Variants in ADPRHL1 observed in about 807,000 individuals in gnomAD.
ADPRHL1 encodes ADP-ribosylhydrolase like 1.
Under a neutral mutation model 44.1 loss-of-function variants are expected in ADPRHL1, and 43 were observed. That is an observed-to-expected ratio of 0.98 (90% CI 0.76 to 1.26). The LOEUF (loss-of-function observed/expected upper bound fraction) is 1.26, where lower values mean the gene tolerates loss of function less well. ADPRHL1 is among the 50% of genes most tolerant of loss of function. The probability of loss-of-function intolerance (pLI) is 0.00; values close to 1 mark genes in which losing one functional copy is unlikely to be tolerated. For missense variants in ADPRHL1, 2,022 were observed against 2,496.9 expected (o/e 0.81, Z 4.05); for synonymous variants, 878 against 1,017.4 (o/e 0.86, Z 2.61).
At chr13:113,417,544 C>T (rs1292545156) in intron 7 of ADPRHL1, among the ~76,000 whole-genome samples, 1 of 152,122 alleles carries the variant, frequency 6.6e-6, no homozygotes, top group African/African-American at 2.4e-5. Flanking sequence ...CTTTGTCTGT[C>T]TGTCCCAGAT....
intron 5 of ADPRHL1, among the ~76,000 whole-genome samples, 179 bp from the exon 6 acceptor site, chr13:113,424,528 C>T (rs1337913780): frequency 6.6e-6 from 1 of 152,080 alleles, no homozygotes; most frequent in Non-Finnish European, 1.5e-5. Flanking sequence ...AATCTCAGCT[C>T]ACTGCAACCT....
intron 4 of ADPRHL1, among the ~76,000 whole-genome samples, chr13:113,426,537 G>A: frequency 6.6e-6 from 1 of 152,260 alleles, no homozygotes; most frequent in South Asian, 2.1e-4. Flanking sequence ...CAGGCCACAG[G>A]GAGGCCAGGA....
At chr13:113,434,996 T>C (rs369991333) in intron 2 of ADPRHL1, among the ~76,000 whole-genome samples, 15 of 107,618 alleles carry the variant, frequency 1.4e-4, no homozygotes, top group African/African-American at 3.3e-4. Context: ...AGAGTGAACA[T>C]AGGTGTACCC....
chr13:113,401,156 C>A lies in ADPRHL1; in HGVS notation c.*2222G>T, dbSNP rs2043758492. 1 of 151,892 alleles carries A rather than the reference C, an allele frequency of 6.6e-6. No individual in the cohort carries two copies. The highest frequency in any genetic ancestry group is 2.4e-5 in the African/African-American group (1 of 41,418). The allele number at this position is 151,892 out of a possible 1,614,324, so 9.4% of individuals were successfully genotyped here. ...ACACAGACCTGGGGGTCCCTGAGCTCCCCCAGCTCCAGGGAGGACGCCCCA... is the reference window on the plus strand; with the variant it reads ...ACACAGACCTGGGGGTCCCTGAGCTACCCCAGCTCCAGGGAGGACGCCCCA... On this transcript the variant is annotated 3_prime_UTR_variant, in exon 8 of 8. Transcript: ENST00000612156. The surrounding 1 kb of genome is among the most constrained non-coding windows in gnomAD (Gnocchi z 5.5).
rs555153093 is a variant in ADPRHL1, at chr13:113,406,412, T to G, written c.2870A>C (p.Glu957Ala). 1 of 1,232,102 alleles carries G rather than the reference T, an allele frequency of 8.1e-7. No individual in the cohort carries two copies. Among genetic ancestry groups the G allele is most frequent in the African/African-American group, 1.5e-5 (1 of 64,564 alleles). 76.3% of individuals were successfully genotyped at this position (1,232,102 alleles called of 1,614,324 possible). A position where few individuals can be genotyped will look rare whatever the true frequency, so the allele number is the denominator to read the frequency against. ...RLQTDPAGGK[E>A]NKGSFENSHG... ...TGAATTCTCAAAGCTGCCTTTGTTT[T>G]CCTTCCCGCCAGCAGGATCTGTCTG... The change falls in exon 8 of 8, where the codon GAA becomes GCA. Residue 957 changes from glutamate to alanine, a missense_variant. Physicochemically the swap from Glu to Ala is moderately radical, Grantham distance 107 (BLOSUM62 -1). Around this residue, in one of 8 missense-constraint regions of ADPRHL1, gnomAD observed 1,221 missense variants for 1,517.8 expected, o/e 0.80. Transcript: ENST00000612156.
intron 2 of ADPRHL1, among the ~76,000 whole-genome samples, chr13:113,439,081 C>A (rs2044080057): frequency 6.6e-6 from 1 of 152,140 alleles, no homozygotes; most frequent in Non-Finnish European, 1.5e-5. Context: ...TTGGTAAATA[C>A]CCTGTGAAGC....
chr13:113,424,484 T>TG (rs1349820854), intron 5 of ADPRHL1, 135 bp from the exon 6 acceptor site: 1 of 1,248,016 alleles, frequency 8.0e-7, no homozygotes, highest in African/African-American at 1.5e-5. Context: ...GAGATGAATC[T>TG]GGCTCTGTCC....
Position 113,429,110 on chromosome 13 carries a change from G to GAA in ADPRHL1, c.506-19_506-18insTT, listed in dbSNP as rs2043989071. 6.2e-7 allele frequency: 1 copy of GAA among 1,603,182 alleles called. No homozygotes were observed. The highest frequency in any genetic ancestry group is 1.7e-5 in the Admixed American group (1 of 58,466). On this transcript the variant is annotated intron_variant, in intron 3 of 7. Transcript: ENST00000612156. Reference sequence around the variant, plus strand: ...CAGGAAGCCTGGAGGGCAGGGAAGAGAGAGGGGGCACCATCACCTGGGCCG... The same window carrying GAA: ...CAGGAAGCCTGGAGGGCAGGGAAGAGAAAGAGGGGGCACCATCACCTGGGCCG...
chr13:113,426,679 G>A (rs1474271871), intron 4 of ADPRHL1, among the ~76,000 whole-genome samples: 3 of 152,226 alleles, frequency 2.0e-5, no homozygotes, highest in African/African-American at 7.2e-5. Context: ...ACATGAAATT[G>A]GAAGTGAAAG....
intron 3 of ADPRHL1, 24 bp from the exon 4 acceptor site, chr13:113,429,116 G>C (rs767210032): frequency 3.8e-6 from 6 of 1,599,822 alleles, no homozygotes; most frequent in Admixed American, 1.7e-5. Flanking sequence ...AAGAGAGAGG[G>C]GGCACCATCA....
In ADPRHL1 at chr13:113,409,570, C is replaced by T. The variant is rs1595537474; in HGVS notation, c.1062-1350G>A. 2 of 985,272 alleles carry T rather than the reference C, an allele frequency of 2.0e-6. No individual in the cohort carries two copies. The highest frequency in any genetic ancestry group is 1.1e-4 in the East Asian group (1 of 8,824). The allele number at this position is 985,272 out of a possible 1,614,324, so 61.0% of individuals were successfully genotyped here. A position where few individuals can be genotyped will look rare whatever the true frequency, so the allele number is the denominator to read the frequency against. On this transcript the variant is annotated intron_variant, in intron 7 of 7. Transcript: ENST00000612156. This position sits in a 1 kb window ranked among gnomAD's most constrained non-coding sequence, Gnocchi z 4.2. ...TGGTGACGTGGTGCCAAGTGAAAAGCTCACTCTAACCCGATTGTTTTTAAG... is the reference window on the plus strand; with the variant it reads ...TGGTGACGTGGTGCCAAGTGAAAAGTTCACTCTAACCCGATTGTTTTTAAG...
At chr13:113,413,713 G>A (rs1354808919) in intron 7 of ADPRHL1, among the ~76,000 whole-genome samples, 2 of 152,252 alleles carry the variant, frequency 1.3e-5, no homozygotes, top group African/African-American at 4.8e-5. Flanking sequence ...TGCGCTGGCG[G>A]AGTCTGGGCT....
Position 113,406,967 on chromosome 13 carries a change from T to A in ADPRHL1, c.2315A>T (p.Glu772Val). Residue 772 changes from glutamate (E) to valine (V), a missense_variant, in exon 8 of 8, where the codon GAG becomes GTG. By Grantham distance (121) the Glu-to-Val change is moderately radical (BLOSUM62 -2). Coordinates refer to ENST00000612156, the MANE Select transcript of ADPRHL1 (RefSeq NM_001394807.1). ...GATTTCAGGGCCCTCCCCTGCACAC[T>A]CGCCTGGGGGCCCAGGAGGCCACGT... ...RLTWPPGPPG[E>V]CAGEGPEITM... The A allele has an allele frequency of 8.1e-7, 1 of 1,232,180 alleles. No individual in the cohort carries two copies. 76.3% of individuals were successfully genotyped at this position (1,232,180 alleles called of 1,614,324 possible).
intron 7 of ADPRHL1, among the ~76,000 whole-genome samples, chr13:113,417,545 T>C (rs1406314378): frequency 6.6e-6 from 1 of 152,230 alleles, no homozygotes; most frequent in Non-Finnish European, 1.5e-5. Context: ...TTTGTCTGTC[T>C]GTCCCAGATC....
At chr13:113,430,133 C>T (rs945930176) in intron 3 of ADPRHL1, among the ~76,000 whole-genome samples, 28 of 152,310 alleles carry the variant, frequency 1.8e-4, no homozygotes, top group Admixed American at 1.4e-3. Context: ...AACATGGCCA[C>T]GTCTGGCCCC....
At chr13:113,448,217 G>A (rs768898505) in intron 1 of ADPRHL1, among the ~76,000 whole-genome samples, 5 of 151,988 alleles carry the variant, frequency 3.3e-5, no homozygotes, top group Admixed American at 2.0e-4. Context: ...CTGAGGGGCC[G>A]GGTGCAGTGG....
chr13:113,420,953 C>CT (rs2043914204), intron 7 of ADPRHL1, among the ~76,000 whole-genome samples: 1 of 38,962 alleles, frequency 2.6e-5, no homozygotes, highest in Non-Finnish European at 8.3e-5. Context: ...CCCTACCCCC[C>CT]CCGACACGCC....
chr13:113,406,119 C>T lies in ADPRHL1; in HGVS notation c.3163G>A (p.Val1055Ile). 1.6e-6 allele frequency: 2 copies of T among 1,232,160 alleles called. No individual in the cohort carries two copies. The highest frequency in any genetic ancestry group is 2.0e-6 in the Non-Finnish European group (2 of 987,998). 76.3% of individuals were successfully genotyped at this position (1,232,160 alleles called of 1,614,324 possible). ...SSKGRTGPEG[V>I]TPMGMTVPGA... ...GGCACTGTCATGCCCATCGGGGTGA[C>T]ACCCTCAGGCCCCGTACGCCCCTTG... Residue 1055 changes from valine (V) to isoleucine (I), a missense_variant, in exon 8 of 8, where the codon GTC (valine) becomes ATC (isoleucine). Coordinates refer to ENST00000612156, the MANE Select transcript of ADPRHL1 (RefSeq NM_001394807.1).
At position 113,406,872 on chromosome 13, in the gene ADPRHL1, G is replaced by C. The variant is rs1340535109; in HGVS notation, c.2410C>G (p.Leu804Val). Residue 804 changes from leucine to valine, a missense_variant, in exon 8 of 8, where the codon CTC (leucine) becomes GTC (valine). Leu to Val is a conservative substitution (Grantham distance 32, BLOSUM62 1). Coordinates refer to ENST00000612156, the MANE Select transcript of ADPRHL1 (RefSeq NM_001394807.1). Reference sequence around the variant, plus strand: ...GGGAAATACTTCTGGGTGGCAAAGAGGGGGTCTCTCCCTGGGTCTGGGAAG... The same window carrying C: ...GGGAAATACTTCTGGGTGGCAAAGACGGGGTCTCTCCCTGGGTCTGGGAAG... ...AGFPDPGRDPLFATQKYFPEQ... is the reference protein window; with the variant it reads ...AGFPDPGRDPVFATQKYFPEQ... 1 of 1,232,224 alleles carries C rather than the reference G, an allele frequency of 8.1e-7. No individual in the cohort carries two copies. Among genetic ancestry groups the C allele is most frequent in the Non-Finnish European group, 1.0e-6 (1 of 988,258 alleles). 76.3% of individuals were successfully genotyped at this position (1,232,224 alleles called of 1,614,324 possible). A position where few individuals can be genotyped will look rare whatever the true frequency, so the allele number is the denominator to read the frequency against.
Sources: allele counts gnomAD v4.1 joint callset (sites outside exome capture counted in the v4.1 genomes callset), GRCh38; gene constraint gnomAD v4.1.1; regional missense constraint gnomAD v4.1.1; non-coding constraint Gnocchi (gnomAD v3.1); transcripts MANE v1.5; gene names NCBI Gene and HGNC (gene_info 2026-07-23, HGNC 2026-07-21).